The following IFT57 variants were observed in gnomAD, a reference collection of about 807,000 sequenced individuals.
IFT57 encodes the protein intraflagellar transport protein 57 homolog.
In IFT57, 59 loss-of-function variants were observed where a neutral mutation model predicts 56.8. That is an observed-to-expected ratio of 1.04 (90% CI 0.84 to 1.29). The LOEUF is 1.29. IFT57 is among the 50% of genes most tolerant of loss of function. The pLI, the probability that IFT57 is intolerant of heterozygous loss-of-function variation, is 0.00. For missense variants in IFT57, 470 were observed against 522.1 expected (o/e 0.90, Z 0.97); for synonymous variants, 209 against 186.1 (o/e 1.12, Z -1.00).
chr3:108,213,858 G>A (rs1043061903), intron 4 of IFT57, 73 bp downstream of exon 4: 2 of 827,686 alleles, frequency 2.4e-6, no homozygotes, highest in African/African-American at 1.7e-5. Context: ...GATAATGGAA[G>A]TCTGGGGGAA....
At chr3:108,197,647 A>G (rs1225704167) in intron 5 of IFT57, among the ~76,000 whole-genome samples, 1 of 152,220 alleles carries the variant, frequency 6.6e-6, no homozygotes. Context: ...AAGAGCTTAT[A>G]TCATATACCT....
chr3:108,164,235 T>C lies in IFT57; in HGVS notation c.1045-506A>G, dbSNP rs560906564. 2.6e-5 allele frequency among the ~76,000 whole-genome samples: 4 copies of C among 152,180 alleles called. No homozygotes were observed. The South Asian group carries it at 8.3e-4, about 32-fold the overall frequency. ...ATGGCTATATATAAGAATATTCTTA[T>C]TGCTTTATCCAAATCATGAACTCCG... On this transcript the variant is annotated intron_variant, in intron 9 of 10. Transcript: ENST00000264538.
At chr3:108,170,232 T>C (rs900838579) in intron 6 of IFT57, among the ~76,000 whole-genome samples, 4 of 152,006 alleles carry the variant, frequency 2.6e-5, no homozygotes, top group African/African-American at 4.8e-5. Context: ...GATAACATAA[T>C]TGCATATTTA....
intron 6 of IFT57, among the ~76,000 whole-genome samples, chr3:108,189,138 TGAA>T (rs1294195042): frequency 1.3e-5 from 2 of 152,218 alleles, no homozygotes; most frequent in African/African-American, 4.8e-5. Flanking sequence ...GCTTAATCAG[TGAA>T]GAAGAAATTC....
At chr3:108,186,536 T>C (rs562029776) in intron 6 of IFT57, among the ~76,000 whole-genome samples, 2 of 152,286 alleles carry the variant, frequency 1.3e-5, no homozygotes, top group South Asian at 2.1e-4. Context: ...AGGGCTCTGA[T>C]TATTCAAGAC....
At chr3:108,206,545 C>A (rs548809897) in intron 5 of IFT57, 83 bp downstream of exon 5, 20 of 561,116 alleles carry the variant, frequency 3.6e-5, no homozygotes, top group African/African-American at 2.4e-4. Context: ...CAATGGCCAA[C>A]AACGGTTTCT....
intron 6 of IFT57, among the ~76,000 whole-genome samples, chr3:108,169,644 T>C (rs1411214531): frequency 6.6e-6 from 1 of 152,096 alleles, no homozygotes; most frequent in Non-Finnish European, 1.5e-5. Flanking sequence ...CTTTAGTCCA[T>C]CTTGAGCTAA....
At position 108,182,409 on chromosome 3, in the gene IFT57, T is replaced by G. The variant is rs200350764; in HGVS notation, c.777+9112A>C. Among the ~76,000 whole-genome samples the G allele has an allele frequency of 3.3e-5, 5 of 152,228 alleles. No individual in the cohort carries two copies. The East Asian group carries it at 9.7e-4, about 29-fold the overall frequency. The stretch of plus-strand genomic sequence containing the variant: ...TGTGGTCCCTCCAGGTTCATTCAAA[T>G]GGAATTCTACCTGCTGATTAAAGGA... On this transcript the variant is annotated intron_variant, in intron 6 of 10. Coordinates refer to ENST00000264538, the MANE Select transcript of IFT57 (RefSeq NM_018010.4).
chr3:108,164,520 A>C (rs776738015), intron 9 of IFT57, among the ~76,000 whole-genome samples: 21 of 152,042 alleles, frequency 1.4e-4, no homozygotes, highest in Non-Finnish European at 2.9e-4. Context: ...AGTAAAGCAA[A>C]TTAATTTTTT....
chr3:108,222,091 T>C lies in IFT57; in HGVS notation c.212+20A>G, dbSNP rs1415028677. The C allele has an allele frequency of 1.9e-6, 3 of 1,573,182 alleles. No homozygotes were observed. The highest frequency in any genetic ancestry group is 2.7e-5 in the African/African-American group (2 of 73,706). ...TGGGGGCTAGCAGGCACCCGGGCGC[T>C]CGGGGACGCCGGCACCCACCTGGAC... On this transcript the variant is annotated intron_variant, in intron 1 of 10. Transcript: ENST00000264538.
intron 5 of IFT57, among the ~76,000 whole-genome samples, chr3:108,197,296 C>T (rs1201729927): frequency 2.0e-5 from 3 of 152,122 alleles, no homozygotes; most frequent in Non-Finnish European, 4.4e-5. Context: ...GATTTAAATG[C>T]TGCCTGCAGA....
In IFT57 at chr3:108,213,959, G is replaced by A; in HGVS notation, c.557C>T (p.Thr186Ile). Residue 186 changes from threonine to isoleucine, a missense_variant, in exon 4 of 11, where the codon ACA becomes ATA. Transcript: ENST00000264538. ...ESVAEDDAEL[T>I]LNKVDEEFVE... is the part of the protein sequence containing the mutation. ...AAATTCTTCATCCACTTTATTTAAT[G>A]TTAATTCTGCATCATCTTCTGCAAC... The A allele has an allele frequency of 6.2e-7, 1 of 1,609,068 alleles. No homozygotes were observed. Among genetic ancestry groups the A allele is most frequent in the East Asian group, 2.2e-5 (1 of 44,730 alleles).
intron 5 of IFT57, among the ~76,000 whole-genome samples, chr3:108,198,134 T>C (rs1311553398): frequency 6.6e-6 from 1 of 152,212 alleles, no homozygotes; most frequent in Non-Finnish European, 1.5e-5. Flanking sequence ...AATAGTTACA[T>C]GACTTTTTCA....
intron 6 of IFT57, among the ~76,000 whole-genome samples, chr3:108,189,661 CTAG>C (rs1343696042): frequency 6.6e-6 from 1 of 152,056 alleles, no homozygotes; most frequent in Non-Finnish European, 1.5e-5. Context: ...ATAGTATTGC[CTAG>C]TTACCTATTA....
chr3:108,165,739 G>A (rs567953846), intron 8 of IFT57, among the ~76,000 whole-genome samples: 8 of 152,068 alleles, frequency 5.3e-5, no homozygotes, highest in African/African-American at 1.9e-4. Flanking sequence ...TGTGTACCTC[G>A]CATGGGCATG....
At position 108,182,775 on chromosome 3, in the gene IFT57, C is replaced by G. The variant is rs562420235; in HGVS notation, c.777+8746G>C. On this transcript the variant is annotated intron_variant, in intron 6 of 10. Coordinates refer to ENST00000264538, the MANE Select transcript of IFT57 (RefSeq NM_018010.4). The stretch of plus-strand genomic sequence containing the variant: ...TTCCAAGGCCTTTTAAAAATAATCT[C>G]TTTATCTAAATTTCTTGTAATGAAT... 3.3e-5 allele frequency among the ~76,000 whole-genome samples: 5 copies of G among 152,178 alleles called. No homozygotes were observed. The South Asian group carries it at 1.0e-3, about 32-fold the overall frequency.
chr3:108,205,978 A>G (rs1253884843), intron 5 of IFT57, among the ~76,000 whole-genome samples: 2 of 34,230 alleles, frequency 5.8e-5, no homozygotes, highest in African/African-American at 1.3e-4. Context: ...ATATTTATAT[A>G]TAATATATAA....
chr3:108,219,368 A>T (rs765898399), intron 2 of IFT57, 42 bp downstream of exon 2: 1 of 1,532,766 alleles, frequency 6.5e-7, no homozygotes, highest in East Asian at 2.3e-5. Context: ...ATTAAAATTC[A>T]TAACTTGAGA....
intron 4 of IFT57, among the ~76,000 whole-genome samples, chr3:108,207,087 C>A (rs1398428054): frequency 6.6e-6 from 1 of 152,138 alleles, no homozygotes; most frequent in Admixed American, 6.5e-5. Context: ...AGCAATATAA[C>A]TGAAATGGAC....
Sources: gnomAD v4.1 joint callset for allele counts (sites outside exome capture counted in the v4.1 genomes callset) on GRCh38, gnomAD v4.1.1 for gene constraint, MANE v1.5 for transcripts, NCBI Gene and HGNC (gene_info 2026-07-23, HGNC 2026-07-21) for gene names.